The following ATP8A1 variants were observed in gnomAD, a reference collection of about 807,000 sequenced individuals.
The protein encoded by ATP8A1 is phospholipid-transporting ATPase IA.
ATP8A1 carries 90 observed loss-of-function variants against 177.7 expected under a neutral mutation model. That is an observed-to-expected ratio of 0.51 (90% CI 0.43 to 0.60). ATP8A1 has a LOEUF of 0.60. Ranked by LOEUF, ATP8A1 falls within the 20% of genes least tolerant of loss-of-function variation. The pLI, the probability that ATP8A1 is intolerant of heterozygous loss-of-function variation, is 0.00. For missense variants in ATP8A1, 1,072 were observed against 1,392.8 expected, an observed-to-expected ratio of 0.77 and a Z score of 3.67; for synonymous variants, 493 against 485.9, an observed-to-expected ratio of 1.01 and a Z score of -0.19.
chr4:42,412,967 A>G lies in ATP8A1; in HGVS notation c.3444T>C (p.Ser1148=), dbSNP rs2153165067. 2 of 1,613,538 alleles carry G rather than the reference A, an allele frequency of 1.2e-6. No individual in the cohort carries two copies. Among genetic ancestry groups the G allele is most frequent in the Non-Finnish European group, 1.7e-6 (2 of 1,179,648 alleles). The change falls in exon 37 of 37, where the codon TCT becomes TCC. Residue 1148 remains serine (S), a synonymous_variant. Coordinates refer to ENST00000381668, the MANE Select transcript of ATP8A1 (RefSeq NM_006095.2). ...SQDENGIVSQ[S]EVIRAYDTTK... is the part of the protein sequence containing the mutation. ...TGGTATCATATGCTCTTATCACTTCAGACTGTGAAACGATTCCATTTTCAT... is the reference window on the plus strand; with the variant it reads ...TGGTATCATATGCTCTTATCACTTCGGACTGTGAAACGATTCCATTTTCAT...
intron 35 of ATP8A1, among the ~76,000 whole-genome samples, chr4:42,419,514 T>C (rs1176374596): frequency 6.6e-6 from 1 of 152,126 alleles, no homozygotes; most frequent in Non-Finnish European, 1.5e-5. Flanking sequence ...CTGAAAAAAT[T>C]GAATCTACAT....
At chr4:42,496,616 T>C (rs1205564293) in intron 24 of ATP8A1, among the ~76,000 whole-genome samples, 1 of 152,000 alleles carries the variant, frequency 6.6e-6, no homozygotes, top group African/African-American at 2.4e-5. Context: ...AGAAAGCTAA[T>C]GTTGGGCCCA....
intron 8 of ATP8A1, among the ~76,000 whole-genome samples, chr4:42,587,611 CTTT>C (rs564079399): frequency 7.6e-6 from 1 of 132,444 alleles, no homozygotes; most frequent in Non-Finnish European, 1.6e-5. Flanking sequence ...CCTTGTACAG[CTTT>C]TTTTTTTTTT....
intron 19 of ATP8A1, among the ~76,000 whole-genome samples, chr4:42,546,727 C>T (rs571151050): frequency 1.2e-4 from 19 of 152,164 alleles, no homozygotes; most frequent in Admixed American, 3.9e-4. Flanking sequence ...TTCTTCTCTC[C>T]TCACCATTAC....
In ATP8A1 at chr4:42,485,884, C is replaced by T. The variant is rs142774799; in HGVS notation, c.2152-216G>A. ...AGTTAGTTACTTGATTGAAGTCACA[C>T]ATCTGTTCCTAGCAGGGTTGGGACT... On this transcript the variant is annotated intron_variant, in intron 24 of 36. Transcript: ENST00000381668. Among the ~76,000 whole-genome samples the T allele has an allele frequency of 2.0e-3, 303 of 152,322 alleles. 1 individual carries two copies. Among genetic ancestry groups the T allele is most frequent in the Non-Finnish European group, 3.4e-3 (229 of 68,022 alleles).
chr4:42,632,271 T>C (rs1373625156), intron 1 of ATP8A1, among the ~76,000 whole-genome samples: 1 of 152,200 alleles, frequency 6.6e-6, no homozygotes, highest in African/African-American at 2.4e-5. Flanking sequence ...AAAATGAATC[T>C]GGTCTAGCTT....
intron 23 of ATP8A1, 125 bp from the exon 24 acceptor site, chr4:42,503,639 G>A (rs2153193496): frequency 1.7e-6 from 1 of 589,070 alleles, no homozygotes; most frequent in Non-Finnish European, 2.8e-6. Context: ...GCAACCAGTT[G>A]TTTTCCAGGT....
intron 24 of ATP8A1, among the ~76,000 whole-genome samples, chr4:42,498,185 C>CT (rs1391048637): frequency 3.3e-5 from 5 of 152,184 alleles, no homozygotes; most frequent in African/African-American, 1.2e-4. Context: ...CCCAAATTCT[C>CT]TTTTTTCCCT....
At chr4:42,573,725 A>G (rs1732136990) in intron 14 of ATP8A1, among the ~76,000 whole-genome samples, 1 of 152,018 alleles carries the variant, frequency 6.6e-6, no homozygotes, top group Non-Finnish European at 1.5e-5. Flanking sequence ...TATAATTTTA[A>G]CTAAGGCATT....
At chr4:42,592,593 A>G (rs991438775) in intron 6 of ATP8A1, among the ~76,000 whole-genome samples, 80 of 152,146 alleles carry the variant, frequency 5.3e-4, no homozygotes, top group African/African-American at 1.6e-3. Flanking sequence ...AGGTGTTACT[A>G]TCATTTTGAA....
intron 16 of ATP8A1, among the ~76,000 whole-genome samples, chr4:42,553,179 C>T (rs1173623904): frequency 6.6e-6 from 1 of 152,104 alleles, no homozygotes; most frequent in African/African-American, 2.4e-5. Flanking sequence ...TTGGTGTTGT[C>T]AAATAGAAAT....
chr4:42,512,790 A>C (rs973983655), intron 22 of ATP8A1, among the ~76,000 whole-genome samples: 1 of 152,328 alleles, frequency 6.6e-6, no homozygotes, highest in South Asian at 2.1e-4. Flanking sequence ...CTCATTGAAT[A>C]GGTCTACGGT....
chr4:42,554,484 T>G (rs966332540), intron 16 of ATP8A1, among the ~76,000 whole-genome samples: 1 of 152,186 alleles, frequency 6.6e-6, no homozygotes, highest in Non-Finnish European at 1.5e-5. Context: ...GAAGTTAATA[T>G]TTTGTTGAAG....
chr4:42,637,853 C>T (rs1739551192), intron 1 of ATP8A1, among the ~76,000 whole-genome samples: 1 of 152,296 alleles, frequency 6.6e-6, no homozygotes, highest in East Asian at 1.9e-4. Flanking sequence ...AAATACTCTC[C>T]TTGGCCATTC....
In ATP8A1 at chr4:42,611,161, G is replaced by A. The variant is rs550622614; in HGVS notation, c.409+4872C>T. Reference sequence around the variant, plus strand: ...TCCAGTGGGAGATAAGCAACTATGCGCCCTGCAGGGAAGTAGTCTTGTTAG... The same window carrying A: ...TCCAGTGGGAGATAAGCAACTATGCACCCTGCAGGGAAGTAGTCTTGTTAG... On this transcript the variant is annotated intron_variant, in intron 5 of 36. Transcript: ENST00000381668. 1.8e-4 allele frequency among the ~76,000 whole-genome samples: 27 copies of A among 152,232 alleles called. 1 individual carries two copies. Among genetic ancestry groups the A allele is most frequent in the East Asian group, 5.8e-4 (3 of 5,176 alleles).
At chr4:42,483,823 CTG>C (rs1721936317) in intron 25 of ATP8A1, among the ~76,000 whole-genome samples, 1 of 152,194 alleles carries the variant, frequency 6.6e-6, no homozygotes, top group Non-Finnish European at 1.5e-5. Context: ...TCCAACCAAA[CTG>C]TGATTTGACT....
rs544299121 is a variant in ATP8A1 at position 42,495,397 on chromosome 4, A to G, written c.2151+8053T>C. On this transcript the variant is annotated intron_variant, in intron 24 of 36. Transcript: ENST00000381668. ...TTCAGTGGAACACTGGGCATTCCATATACTCCTACGCAACACATATATCAA... is the reference window on the plus strand; with the variant it reads ...TTCAGTGGAACACTGGGCATTCCATGTACTCCTACGCAACACATATATCAA... Among the ~76,000 whole-genome samples the G allele has an allele frequency of 6.4e-4, 98 of 152,294 alleles. 2 individuals carry two copies. Among genetic ancestry groups the G allele is most frequent in the Admixed American group, 2.5e-3 (38 of 15,294 alleles).
intron 25 of ATP8A1, among the ~76,000 whole-genome samples, chr4:42,476,468 A>T (rs1721075833): frequency 1.3e-5 from 2 of 151,798 alleles, no homozygotes; most frequent in Non-Finnish European, 2.9e-5. Context: ...AAAATACAAA[A>T]ATTAGCCATG....
chr4:42,498,886 C>T (rs1723543481), intron 24 of ATP8A1, among the ~76,000 whole-genome samples: 1 of 152,140 alleles, frequency 6.6e-6, no homozygotes, highest in South Asian at 2.1e-4. Context: ...TTAGATGTAT[C>T]CCCCAGTGCC....
Sources: gnomAD v4.1 joint callset for allele counts (sites outside exome capture counted in the v4.1 genomes callset) on GRCh38, gnomAD v4.1.1 for gene constraint, MANE v1.5 for transcripts, NCBI Gene and HGNC (gene_info 2026-07-23, HGNC 2026-07-21) for gene names.